Variants in PPP6R3 observed in about 807,000 individuals in gnomAD.
PPP6R3 encodes protein phosphatase 6 regulatory subunit 3, also known as serine/threonine-protein phosphatase 6 regulatory subunit 3.
Under a neutral mutation model 110.7 loss-of-function variants are expected in PPP6R3, and 38 were observed. The ratio of observed to expected loss-of-function variants is 0.34; its 90% confidence interval spans 0.26 to 0.45. The LOEUF is 0.45. Among genes scored for constraint, PPP6R3 ranks in the 20% least tolerant of loss-of-function variants. The probability of loss-of-function intolerance (pLI) is 1.00; values close to 1 mark genes in which losing one functional copy is unlikely to be tolerated. For missense variants in PPP6R3, 870 were observed against 1,062.4 expected (o/e 0.82, Z 2.52); for synonymous variants, 369 against 373.5 (o/e 0.99, Z 0.14).
At chr11:68,594,873 T>C (rs1291263181) in intron 18 of PPP6R3, among the ~76,000 whole-genome samples, 3 of 152,196 alleles carry the variant, frequency 2.0e-5, no homozygotes, top group Non-Finnish European at 4.4e-5. Context: ...AGGTAGGGCA[T>C]AGATCAGTGG....
At chr11:68,504,009 A>C (rs1592161635) in intron 1 of PPP6R3, among the ~76,000 whole-genome samples, 2 of 152,170 alleles carry the variant, frequency 1.3e-5, no homozygotes, top group African/African-American at 4.8e-5. Flanking sequence ...TTGGCCATGT[A>C]CCTCATTGGA....
intron 1 of PPP6R3, among the ~76,000 whole-genome samples, chr11:68,476,543 C>G (rs565942474): frequency 6.6e-6 from 1 of 152,078 alleles, no homozygotes; most frequent in African/African-American, 2.4e-5. Context: ...TTTTTATATA[C>G]TTATATGTAC....
chr11:68,521,923 G>A (rs1467333698), intron 2 of PPP6R3, among the ~76,000 whole-genome samples: 1 of 152,118 alleles, frequency 6.6e-6, no homozygotes, highest in Non-Finnish European at 1.5e-5. Flanking sequence ...AAAATCTATT[G>A]CAAAGGTACA....
intron 3 of PPP6R3, 142 bp downstream of exon 3, chr11:68,538,033 G>T (rs893631265): frequency 1.7e-6 from 1 of 580,052 alleles, no homozygotes; most frequent in Non-Finnish European, 2.9e-6. Flanking sequence ...GCTCGGTGGA[G>T]CGCAAAATCC....
intron 1 of PPP6R3, among the ~76,000 whole-genome samples, chr11:68,479,062 T>G (rs1208143272): frequency 6.6e-6 from 1 of 152,222 alleles, no homozygotes; most frequent in Non-Finnish European, 1.5e-5. Context: ...ATGTTGACAG[T>G]CTGCGGTTGC....
chr11:68,571,832 C>T (rs1304120055), intron 12 of PPP6R3, among the ~76,000 whole-genome samples: 1 of 152,072 alleles, frequency 6.6e-6, no homozygotes, highest in Non-Finnish European at 1.5e-5. Context: ...GGTGTACATT[C>T]CTAGGAATTC....
At chr11:68,603,592 G>A (rs2099638411) in intron 22 of PPP6R3, 100 bp downstream of exon 22, 3 of 1,375,700 alleles carry the variant, frequency 2.2e-6, no homozygotes, top group South Asian at 2.5e-5. Flanking sequence ...TCAAATGAAT[G>A]TTCAGATACT....
chr11:68,578,124 T>G (rs1294159740), intron 14 of PPP6R3, among the ~76,000 whole-genome samples: 1 of 152,168 alleles, frequency 6.6e-6, no homozygotes, highest in Non-Finnish European at 1.5e-5. Context: ...CTATTCCAAG[T>G]GTTTAATATG....
chr11:68,585,417 TG>T (rs1483424294), intron 15 of PPP6R3, among the ~76,000 whole-genome samples: 1 of 152,228 alleles, frequency 6.6e-6, no homozygotes, highest in African/African-American at 2.4e-5. Context: ...TTAAGAGATT[TG>T]CTTAAAGTGG....
chr11:68,514,405 ATTTC>A (rs895911802), intron 1 of PPP6R3, among the ~76,000 whole-genome samples: 8 of 150,466 alleles, frequency 5.3e-5, no homozygotes, highest in African/African-American at 2.0e-4. Context: ...TTTTTAACCT[ATTTC>A]TTTATGAATG....
At chr11:68,537,972 C>A in intron 3 of PPP6R3, 81 bp downstream of exon 3, 2 of 1,065,224 alleles carry the variant, frequency 1.9e-6, no homozygotes, top group Non-Finnish European at 2.7e-6. Flanking sequence ...CAAGGATTCT[C>A]CAGTGTGACT....
chr11:68,586,861 G>A (rs2099580170), intron 15 of PPP6R3: 1 of 152,206 alleles, frequency 6.6e-6, no homozygotes, highest in Non-Finnish European at 1.5e-5. Flanking sequence ...GTGGAACCAA[G>A]GAGAAGGTGG....
intron 3 of PPP6R3, among the ~76,000 whole-genome samples, chr11:68,543,563 G>A (rs2099330189): frequency 6.6e-6 from 1 of 152,210 alleles, no homozygotes. Context: ...GCTGCAGGCA[G>A]CACTTGCTTG....
chr11:68,574,756 G>A (rs1237802607), intron 13 of PPP6R3, among the ~76,000 whole-genome samples: 1 of 152,170 alleles, frequency 6.6e-6, no homozygotes, highest in African/African-American at 2.4e-5. Flanking sequence ...AGCTTATTTG[G>A]AAGAAACTAT....
chr11:68,570,032 C>T lies in PPP6R3; in HGVS notation c.1278+135C>T, dbSNP rs575328501. On this transcript the variant is annotated intron_variant, in intron 11 of 23. Coordinates refer to ENST00000393800, the MANE Select transcript of PPP6R3 (RefSeq NM_001164161.2). Reference sequence around the variant, plus strand: ...TCTAAATATTTGACAATCATGTGTTCGTTTCACTTTTAACATATAAATCAT... The same window carrying T: ...TCTAAATATTTGACAATCATGTGTTTGTTTCACTTTTAACATATAAATCAT... 13 of 771,888 alleles carry T rather than the reference C, an allele frequency of 1.7e-5. No individual in the cohort carries two copies. In the South Asian group the frequency reaches 2.4e-4, roughly 15 times the overall value. The allele number at this position is 771,888 out of a possible 1,614,324, so 47.8% of individuals were successfully genotyped here. A position where few individuals can be genotyped will look rare whatever the true frequency, so the allele number is the denominator to read the frequency against.
At chr11:68,593,546 C>T (rs1169394779) in intron 18 of PPP6R3, among the ~76,000 whole-genome samples, 2 of 151,940 alleles carry the variant, frequency 1.3e-5, no homozygotes, top group Non-Finnish European at 2.9e-5. Context: ...ACTAAAATAA[C>T]AAAACGAAAA....
At chr11:68,538,610 GTC>G (rs2099285694) in intron 3 of PPP6R3, among the ~76,000 whole-genome samples, 1 of 152,198 alleles carries the variant, frequency 6.6e-6, no homozygotes, top group South Asian at 2.1e-4. Flanking sequence ...TTTTAGTAGT[GTC>G]TCTCTTGCCA....
At chr11:68,473,505 A>T (rs985242335) in intron 1 of PPP6R3, among the ~76,000 whole-genome samples, 5 of 152,208 alleles carry the variant, frequency 3.3e-5, no homozygotes, top group Non-Finnish European at 7.3e-5. Context: ...CACTCTAGCA[A>T]ATTAATCAAA....
chr11:68,527,800 T>C (rs932443136), intron 2 of PPP6R3, among the ~76,000 whole-genome samples: 3 of 152,202 alleles, frequency 2.0e-5, no homozygotes, highest in Non-Finnish European at 4.4e-5. Context: ...TCCTACCACC[T>C]ACCCAAAGGC....
Sources: gnomAD v4.1 joint callset for allele counts (sites outside exome capture counted in the v4.1 genomes callset) on GRCh38, gnomAD v4.1.1 for gene constraint, MANE v1.5 for transcripts, NCBI Gene and HGNC (gene_info 2026-07-23, HGNC 2026-07-21) for gene names.